The following GRM8 variants were observed in gnomAD, a reference collection of about 807,000 sequenced individuals.
The protein encoded by GRM8 is metabotropic glutamate receptor 8.
Under a neutral mutation model 87.2 loss-of-function variants are expected in GRM8, and 47 were observed. That is an observed-to-expected ratio of 0.54 (90% CI 0.43 to 0.69). The LOEUF is 0.69. GRM8 is among the 30% of genes least tolerant of loss of function. The probability of loss-of-function intolerance (pLI) is 0.00; values close to 1 mark genes in which losing one functional copy is unlikely to be tolerated. For synonymous variants in GRM8, 396 were observed against 404.5 expected (o/e 0.98, Z 0.25); for missense variants, 1,019 against 1,139.2 (o/e 0.89, Z 1.52).
At chr7:126,763,472 TACACACAC>T (rs143608746) in intron 7 of GRM8, among the ~76,000 whole-genome samples, 29 of 78,354 alleles carry the variant, frequency 3.7e-4, no homozygotes, top group African/African-American at 8.7e-4. Flanking sequence ...TATATATATA[TACACACAC>T]ACACACACAC....
chr7:126,647,970 A>G (rs879592741), intron 7 of GRM8, among the ~76,000 whole-genome samples: 8 of 152,172 alleles, frequency 5.3e-5, no homozygotes, highest in Non-Finnish European at 1.2e-4. Flanking sequence ...CAAAGTTTTT[A>G]CTATCACTTC....
At chr7:126,873,566 T>C (rs1799286916) in intron 6 of GRM8, among the ~76,000 whole-genome samples, 1 of 152,014 alleles carries the variant, frequency 6.6e-6, no homozygotes, top group Non-Finnish European at 1.5e-5. Context: ...AGCTCCAAAA[T>C]CAAATGACCA....
intron 3 of GRM8, among the ~76,000 whole-genome samples, chr7:126,995,782 T>C (rs552256613): frequency 3.9e-5 from 6 of 151,964 alleles, no homozygotes; most frequent in Non-Finnish European, 7.4e-5. Context: ...GAGAAAGAGA[T>C]GAGGGTAGCA....
chr7:126,764,659 G>A (rs767654481), intron 7 of GRM8, among the ~76,000 whole-genome samples: 4 of 151,986 alleles, frequency 2.6e-5, no homozygotes, highest in Non-Finnish European at 4.4e-5. Context: ...TCTAACAAAC[G>A]TTTCCATATT....
intron 3 of GRM8, among the ~76,000 whole-genome samples, chr7:126,973,400 C>T (rs888974698): frequency 2.6e-5 from 4 of 152,164 alleles, no homozygotes; most frequent in African/African-American, 9.7e-5. Context: ...CTTCATGTCT[C>T]CAAGCCTGTA....
chr7:126,795,972 T>C (rs1337993205), intron 6 of GRM8, among the ~76,000 whole-genome samples: 1 of 152,060 alleles, frequency 6.6e-6, no homozygotes, highest in African/African-American at 2.4e-5. Context: ...AACATCAATA[T>C]ATGAACCTTA....
intron 6 of GRM8, among the ~76,000 whole-genome samples, chr7:126,813,041 C>A (rs1297940232): frequency 6.6e-6 from 1 of 151,906 alleles, no homozygotes; most frequent in Non-Finnish European, 1.5e-5. Flanking sequence ...GTGAGAGGAT[C>A]TATAAAAATA....
chr7:126,524,162 C>T (rs1363863715), intron 9 of GRM8, among the ~76,000 whole-genome samples: 3 of 151,970 alleles, frequency 2.0e-5, no homozygotes, highest in African/African-American at 2.4e-5. Context: ...TATCCTTTCT[C>T]GAGTTAAACA....
chr7:126,673,052 G>A (rs764162162), intron 7 of GRM8, among the ~76,000 whole-genome samples: 13 of 152,126 alleles, frequency 8.5e-5, no homozygotes, highest in East Asian at 1.9e-4. Context: ...AACTCCAAGC[G>A]GCCTGCCCAC....
intron 2 of GRM8, among the ~76,000 whole-genome samples, chr7:127,195,034 T>C (rs1369939324): frequency 1.3e-5 from 2 of 152,192 alleles, no homozygotes; most frequent in Non-Finnish European, 2.9e-5. Context: ...GTGATCTTAT[T>C]ATAGATCACT....
intron 9 of GRM8, among the ~76,000 whole-genome samples, chr7:126,450,883 TTC>T (rs746600412): frequency 2.0e-5 from 3 of 151,878 alleles, no homozygotes; most frequent in South Asian, 4.1e-4. Flanking sequence ...CTTAGTCTTT[TTC>T]TCTCTGTCTC....
At chr7:126,863,550 T>C (rs979062872) in intron 6 of GRM8, among the ~76,000 whole-genome samples, 1 of 152,156 alleles carries the variant, frequency 6.6e-6, no homozygotes, top group Non-Finnish European at 1.5e-5. Flanking sequence ...AAGACAAGCT[T>C]AGTCAAACCC....
chr7:126,598,274 C>A (rs911681478), intron 8 of GRM8, among the ~76,000 whole-genome samples: 2 of 151,974 alleles, frequency 1.3e-5, no homozygotes, highest in Non-Finnish European at 1.5e-5. Context: ...CCCTGACAAA[C>A]AACTAGACAC....
At chr7:127,049,202 ATCTC>A (rs1186739627) in intron 3 of GRM8, among the ~76,000 whole-genome samples, 3 of 152,090 alleles carry the variant, frequency 2.0e-5, no homozygotes, top group Admixed American at 2.0e-4. Flanking sequence ...TAGAAAAATC[ATCTC>A]TCTCTCTGTT....
chr7:127,232,338 C>A (rs984075467), intron 2 of GRM8, among the ~76,000 whole-genome samples: 1 of 152,080 alleles, frequency 6.6e-6, no homozygotes, highest in Non-Finnish European at 1.5e-5. Flanking sequence ...CCAAGTAATC[C>A]TCCCACCTCA....
At chr7:127,047,439 T>G (rs1254219078) in intron 3 of GRM8, among the ~76,000 whole-genome samples, 3 of 152,180 alleles carry the variant, frequency 2.0e-5, no homozygotes, top group African/African-American at 7.2e-5. Flanking sequence ...TCCTTCTACC[T>G]TCTTTCATGT....
intron 6 of GRM8, among the ~76,000 whole-genome samples, chr7:126,864,612 C>T (rs148671916): frequency 2.8e-3 from 432 of 151,912 alleles, no homozygotes; most frequent in Non-Finnish European, 4.8e-3. Context: ...TATATATATG[C>T]CTATATAGCT....
chr7:126,879,645 C>A (rs1192879841), intron 6 of GRM8, among the ~76,000 whole-genome samples: 1 of 152,006 alleles, frequency 6.6e-6, no homozygotes, highest in Non-Finnish European at 1.5e-5. Flanking sequence ...TATTTGTTTA[C>A]AAAATATGAG....
At chr7:126,952,847 G>A (rs1808306909) in intron 3 of GRM8, among the ~76,000 whole-genome samples, 1 of 152,114 alleles carries the variant, frequency 6.6e-6, no homozygotes, top group Non-Finnish European at 1.5e-5. Flanking sequence ...AGACTAAGGA[G>A]AAATAACAAC....
Sources: gnomAD v4.1 joint callset for allele counts (sites outside exome capture counted in the v4.1 genomes callset) on GRCh38, gnomAD v4.1.1 for gene constraint, MANE v1.5 for transcripts, NCBI Gene and HGNC (gene_info 2026-07-23, HGNC 2026-07-21) for gene names.